RPL6: variants seen among roughly 807,000 people sequenced by gnomAD.
RPL6 encodes ribosomal protein L6.
In RPL6, 1 loss-of-function variant was observed where a neutral mutation model predicts 32.1. That is an observed-to-expected ratio of 0.03 (90% CI 0.01 to 0.15). The LOEUF is 0.15. RPL6 is among the 10% of genes least tolerant of loss of function. RPL6 has a pLI of 1.00. For synonymous variants in RPL6, 126 were observed against 131.6 expected (o/e 0.96, Z 0.29); for missense variants, 275 against 354.6 (o/e 0.78, Z 1.80).
At chr12:112,405,641 C>T (rs1379936683) in intron 6 of RPL6, 1 of 611,900 alleles carries the variant, frequency 1.6e-6, no homozygotes, top group Non-Finnish European at 2.8e-6. Flanking sequence ...GCAGTTAATT[C>T]CCACACAATT....
chr12:112,410,466 T>G (rs1015015721), upstream of RPL6: 3 of 155,708 alleles, frequency 1.9e-5, no homozygotes. Context: ...TTCATAAGGA[T>G]GTTGGGAACA....
intron 1 of RPL6, among the ~76,000 whole-genome samples, chr12:112,415,846 T>G (rs145958298): frequency 6.7e-6 from 1 of 149,232 alleles, no homozygotes; most frequent in African/African-American, 2.5e-5. Context: ...ATTACAGAGG[T>G]GAGCCACCAC....
At chr12:112,405,684 C>G in intron 6 of RPL6, 169 bp downstream of exon 6, 1 of 660,816 alleles carries the variant, frequency 1.5e-6, no homozygotes, top group Non-Finnish European at 2.5e-6. Context: ...GTTGAGCTCC[C>G]AGACTGCCAA....
Position 112,408,304 on chromosome 12 carries a change from G to T in RPL6, c.272C>A (p.Thr91Asn). The change falls in exon 3 of 7, where the codon ACT becomes AAT. Residue 91 changes from threonine (T) to asparagine (N), a missense_variant. By Grantham distance (65) the Thr-to-Asn change is moderately conservative. Transcript: ENST00000202773. ...EKKKKEKVLA[T>N]VTKPVGGDKN... Reference sequence around the variant, plus strand: ...GTCACCACCAACTGGTTTTGTAACAGTTGCGAGAACCTTCTCCTTCTTTTT... The same window carrying T: ...GTCACCACCAACTGGTTTTGTAACATTTGCGAGAACCTTCTCCTTCTTTTT... 1.2e-6 allele frequency: 2 copies of T among 1,614,234 alleles called. No individual in the cohort carries two copies. Among genetic ancestry groups the T allele is most frequent in the Non-Finnish European group, 1.7e-6 (2 of 1,180,048 alleles).
intron 1 of RPL6, among the ~76,000 whole-genome samples, chr12:112,415,533 C>A (rs12146730): frequency 6.6e-6 from 1 of 151,932 alleles, no homozygotes; most frequent in Non-Finnish European, 1.5e-5. Context: ...GCCAACATGG[C>A]GAAACCCTGT....
upstream of RPL6, chr12:112,410,554 C>CTTTTTTTTTTTTTTTTTTTTTT (rs561190073): frequency 2.8e-5 from 1 of 36,262 alleles, no homozygotes; most frequent in East Asian, 6.9e-4. Context: ...AGTGTTAGCT[C>CTTTTTTTTTTTTTTTTTTTTTT]TTTTTTTTTT....
chr12:112,408,055 G>C (rs2037229676), intron 3 of RPL6, 185 bp downstream of exon 3: 1 of 599,846 alleles, frequency 1.7e-6, no homozygotes, highest in African/African-American at 1.9e-5. Flanking sequence ...ACAAAGCACA[G>C]ACGAGTAATT....
At chr12:112,406,088 C>G (rs944346971) in intron 5 of RPL6, 51 bp from the exon 6 acceptor site, 1 of 1,501,842 alleles carries the variant, frequency 6.7e-7, no homozygotes, top group African/African-American at 1.4e-5. Context: ...AATCATCATC[C>G]TGCAATTTAG....
At chr12:112,409,095 G>A (rs904652157) in intron 1 of RPL6, 1 of 239,654 alleles carries the variant, frequency 4.2e-6, no homozygotes, top group African/African-American at 2.2e-5. Flanking sequence ...CAAGAAACTC[G>A]ATTTAGGAAT....
intron 1 of RPL6, chr12:112,408,864 A>C: frequency 1.9e-6 from 1 of 516,026 alleles, no homozygotes. Flanking sequence ...TACACTATAA[A>C]CTTTTTTTTT....
chr12:112,408,122 T>C (rs1384715083), intron 3 of RPL6, 118 bp downstream of exon 3: 6 of 735,278 alleles, frequency 8.2e-6, no homozygotes, highest in Admixed American at 5.7e-5. Flanking sequence ...CCAGAGCCCT[T>C]TATTTTCTAT....
Position 112,406,777 on chromosome 12 carries a change from C to A in RPL6, c.450G>T (p.Leu150=), listed in dbSNP as rs535154041. 57 of 1,614,260 alleles carry A rather than the reference C, an allele frequency of 3.5e-5. No individual in the cohort carries two copies. The South Asian group carries it at 6.0e-4, about 17-fold the overall frequency. Residue 150 remains leucine (L), a synonymous_variant, in exon 4 of 7, where the codon CTG becomes CTT. Coordinates refer to ENST00000202773, the MANE Select transcript of RPL6 (RefSeq NM_000970.6). ...LRASITPGTI[L]IILTGRHRGK... is the part of the protein sequence containing the mutation. ...CCCTGTGGCGTCCAGTGAGGATGAT[C>A]AGAATGGTCCCGGGGGTAATGCTGG... is the stretch of plus-strand genomic sequence containing the variant.
exon 1 of RPL6, chr12:112,418,796 C>A (rs1278601759): frequency 1.5e-5 from 7 of 454,900 alleles, no homozygotes; most frequent in Non-Finnish European, 2.4e-5. Context: ...TCCGCGGAGC[C>A]CCCGCGCTGC....
At position 112,408,344 on chromosome 12, in the gene RPL6, A is replaced by G. The variant is rs2037241772; in HGVS notation, c.238-6T>C. On this transcript the variant is annotated splice_region_variant and splice_polypyrimidine_tract_variant and intron_variant, in intron 2 of 6. Coordinates refer to ENST00000202773, the MANE Select transcript of RPL6 (RefSeq NM_000970.6). ...TCCTTCTTTTTCTTTTCAACCTACA[A>G]GGACACAAATGCATCAACAGTAAGA... 10 of 1,614,026 alleles carry G rather than the reference A, an allele frequency of 6.2e-6. No homozygotes were observed. The highest frequency in any genetic ancestry group is 7.6e-6 in the Non-Finnish European group (9 of 1,180,006).
intron 1 of RPL6, 110 bp from the exon 2 acceptor site, chr12:112,408,766 T>TCC: frequency 2.2e-6 from 2 of 898,672 alleles, no homozygotes; most frequent in South Asian, 3.4e-5. Flanking sequence ...CTACAATCCC[T>TCC]CCCCCGGTAA....
intron 3 of RPL6, 135 bp from the exon 4 acceptor site, chr12:112,407,025 T>C: frequency 2.3e-6 from 2 of 885,928 alleles, no homozygotes. Context: ...TCCATTTTCA[T>C]TTCTGCTAAG....
chr12:112,406,413 G>A, intron 4 of RPL6, 71 bp from the exon 5 acceptor site: 1 of 1,388,102 alleles, frequency 7.2e-7, no homozygotes, highest in Non-Finnish European at 1.0e-6. Flanking sequence ...AAAATCACAG[G>A]CATCTAAATT....
At chr12:112,410,166 A>G (rs1261433758), upstream of RPL6, among the ~76,000 whole-genome samples, 1 of 152,088 alleles carries the variant, frequency 6.6e-6, no homozygotes, top group Non-Finnish European at 1.5e-5. Context: ...AAAAAGAAAA[A>G]AAATTAGCCG....
rs1026004089 is a variant in RPL6, at chr12:112,408,558, T to C, written c.99A>G (p.Lys33=). 1 of 1,607,592 alleles carries C rather than the reference T, an allele frequency of 6.2e-7. No homozygotes were observed. Among genetic ancestry groups the C allele is most frequent in the Non-Finnish European group, 8.5e-7 (1 of 1,179,740 alleles). ...GCTTCCCCTTCTTGGGCTTTTTAGCTTTGAGGTTACCCTTTTTCACCTTGC... is the reference window on the plus strand; with the variant it reads ...GCTTCCCCTTCTTGGGCTTTTTAGCCTTGAGGTTACCCTTTTTCACCTTGC... ...AGGKVKKGNL[K]AKKPKKGKPH... The change falls in exon 2 of 7, where the codon AAA becomes AAG. Residue 33 remains lysine, a synonymous_variant. Coordinates refer to ENST00000202773, the MANE Select transcript of RPL6 (RefSeq NM_000970.6).
Sources: gnomAD v4.1 joint callset for allele counts (sites outside exome capture counted in the v4.1 genomes callset) on GRCh38, gnomAD v4.1.1 for gene constraint, MANE v1.5 for transcripts, NCBI Gene and HGNC (gene_info 2026-07-23, HGNC 2026-07-21) for gene names.